The following TTLL11 variants were observed in gnomAD, a reference collection of about 807,000 sequenced individuals.
The protein encoded by TTLL11 is tubulin tyrosine ligase like 11, also known as tubulin polyglutamylase TTLL11.
TTLL11 carries 42 observed loss-of-function variants against 51.7 expected under a neutral mutation model. That is an observed-to-expected ratio of 0.81 (90% CI 0.64 to 1.05). The LOEUF is 1.05. TTLL11 is among the 50% of genes least tolerant of loss of function. TTLL11 has a pLI of 0.00. For missense variants in TTLL11, 799 were observed against 940.4 expected (o/e 0.85, Z 1.97); for synonymous variants, 381 against 383.5 (o/e 0.99, Z 0.08).
At chr9:122,009,536 ATATG>A (rs1307352415) in intron 3 of TTLL11, among the ~76,000 whole-genome samples, 8 of 151,832 alleles carry the variant, frequency 5.3e-5, no homozygotes, top group Non-Finnish European at 1.2e-4. Context: ...ATGTAGACAT[ATATG>A]TATGTACTCT....
chr9:122,008,584 A>G (rs1397630433), intron 3 of TTLL11, among the ~76,000 whole-genome samples: 3 of 152,240 alleles, frequency 2.0e-5, no homozygotes, highest in Non-Finnish European at 2.9e-5. Flanking sequence ...TGATGTGGAG[A>G]AAAGGGAACC....
At chr9:121,985,108 A>G (rs1039121183) in intron 4 of TTLL11, among the ~76,000 whole-genome samples, 1 of 152,198 alleles carries the variant, frequency 6.6e-6, no homozygotes, top group Non-Finnish European at 1.5e-5. Flanking sequence ...GAAAGGGGTC[A>G]CCGTCACATG....
intron 1 of TTLL11, among the ~76,000 whole-genome samples, chr9:122,079,548 A>C (rs928803056): frequency 6.6e-6 from 1 of 151,844 alleles, no homozygotes; most frequent in Non-Finnish European, 1.5e-5. Flanking sequence ...CGTCTACTAA[A>C]AATACAAAAA....
intron 6 of TTLL11, among the ~76,000 whole-genome samples, chr9:121,874,966 A>T (rs1838515526): frequency 6.6e-6 from 1 of 151,846 alleles, no homozygotes; most frequent in Admixed American, 6.6e-5. Context: ...ATGGGGTTTC[A>T]CCTTGTTAGC....
chr9:122,040,787 T>C (rs971895818), intron 1 of TTLL11, among the ~76,000 whole-genome samples: 1 of 152,254 alleles, frequency 6.6e-6, no homozygotes, highest in Non-Finnish European at 1.5e-5. Flanking sequence ...AGGCATATGT[T>C]GTACACTCTA....
intron 3 of TTLL11, among the ~76,000 whole-genome samples, chr9:122,022,594 A>T (rs934231218): frequency 6.6e-6 from 1 of 152,024 alleles, no homozygotes; most frequent in Non-Finnish European, 1.5e-5. Flanking sequence ...AAGTTGAGAG[A>T]ATTCATCACC....
chr9:121,842,032 G>A (rs79364932), intron 8 of TTLL11, among the ~76,000 whole-genome samples: 1 of 151,978 alleles, frequency 6.6e-6, no homozygotes, highest in African/African-American at 2.4e-5. Context: ...CACCTCTCAG[G>A]GGGCAAAGGA....
chr9:121,998,639 A>C (rs1448009441), intron 3 of TTLL11, among the ~76,000 whole-genome samples: 1 of 151,860 alleles, frequency 6.6e-6, no homozygotes, highest in Non-Finnish European at 1.5e-5. Flanking sequence ...TGCAACACTC[A>C]AACAAGGTGC....
chr9:121,926,942 G>A (rs992552672), intron 6 of TTLL11, among the ~76,000 whole-genome samples: 1 of 152,156 alleles, frequency 6.6e-6, no homozygotes, highest in South Asian at 2.1e-4. Flanking sequence ...GCAGACAGCC[G>A]ACTTCTCATG....
chr9:122,088,919 C>T lies in TTLL11; in HGVS notation c.462+3768G>A, dbSNP rs571034709. The stretch of plus-strand genomic sequence containing the variant: ...TACTCAGGAGGCTGAGGCAGGAGAA[C>T]TGCTTGAACCTCTGAGGCAGAGGTT... On this transcript the variant is annotated intron_variant, in intron 1 of 8. Coordinates refer to ENST00000321582, the MANE Select transcript of TTLL11 (RefSeq NM_001139442.2). Among the ~76,000 whole-genome samples the T allele has an allele frequency of 1.3e-3, 202 of 150,040 alleles. 1 individual carries two copies. Among genetic ancestry groups the T allele is most frequent in the African/African-American group, 4.7e-3 (192 of 40,610 alleles).
At chr9:121,931,380 A>G (rs1358152656) in intron 6 of TTLL11, among the ~76,000 whole-genome samples, 1 of 152,158 alleles carries the variant, frequency 6.6e-6, no homozygotes, top group Non-Finnish European at 1.5e-5. Context: ...TTCTTGTTGG[A>G]GCAGAAGTAA....
At chr9:121,852,534 T>C (rs574187061) in intron 8 of TTLL11, among the ~76,000 whole-genome samples, 14 of 152,102 alleles carry the variant, frequency 9.2e-5, no homozygotes, top group Non-Finnish European at 2.1e-4. Flanking sequence ...GAATTCAGCT[T>C]TCTCCCCTTT....
intron 1 of TTLL11, among the ~76,000 whole-genome samples, chr9:122,078,247 TCAA>T (rs1252462948): frequency 2.0e-5 from 3 of 152,096 alleles, no homozygotes; most frequent in Admixed American, 2.0e-4. Flanking sequence ...ATGGAGATGA[TCAA>T]TAAAGTCAAA....
intron 6 of TTLL11, among the ~76,000 whole-genome samples, chr9:121,929,780 C>T (rs778968236): frequency 1.3e-5 from 2 of 152,138 alleles, no homozygotes; most frequent in Non-Finnish European, 2.9e-5. Flanking sequence ...GGCCCTCTGC[C>T]CCTCTCCAGC....
intron 6 of TTLL11, among the ~76,000 whole-genome samples, chr9:121,953,599 C>G (rs1354870700): frequency 3.5e-5 from 5 of 141,532 alleles, no homozygotes; most frequent in Non-Finnish European, 6.0e-5. Context: ...CGCTAATGCA[C>G]TCCAGCCTGG....
intron 6 of TTLL11, among the ~76,000 whole-genome samples, chr9:121,930,870 T>C (rs1472391456): frequency 6.6e-6 from 1 of 152,258 alleles, no homozygotes; most frequent in East Asian, 1.9e-4. Flanking sequence ...GCCTACTTAT[T>C]AATGTTTTTA....
chr9:121,942,738 A>ATTTTTTTTTTTTT (rs34352222), intron 6 of TTLL11, among the ~76,000 whole-genome samples: 1 of 97,902 alleles, frequency 1.0e-5, no homozygotes, highest in Non-Finnish European at 2.1e-5. Context: ...AATCTGTCTT[A>ATTTTTTTTTTTTT]TTTTTTTTTT....
At position 121,890,758 on chromosome 9, in the gene TTLL11, A is replaced by G. The variant is rs975999219; in HGVS notation, c.1482-20010T>C. Among the ~76,000 whole-genome samples, 10 of 152,230 alleles carry G rather than the reference A, an allele frequency of 6.6e-5. No homozygotes were observed. Among genetic ancestry groups the G allele is most frequent in the Non-Finnish European group, 1.0e-4 (7 of 68,046 alleles). On this transcript the variant is annotated intron_variant, in intron 6 of 8. Transcript: ENST00000321582. This position sits in a 1 kb window ranked among gnomAD's most constrained non-coding sequence, Gnocchi z 4.3. ...CATCCTGGTGCAGAGTAAGTGCTCA[A>G]TAAACACTGGCTAGGTGCATGAATG...
At chr9:122,033,743 A>C (rs1234217565) in intron 2 of TTLL11, among the ~76,000 whole-genome samples, 1 of 152,204 alleles carries the variant, frequency 6.6e-6, no homozygotes, top group Non-Finnish European at 1.5e-5. Context: ...CAGCTTCAAG[A>C]CGTCAGTGCC....
Sources: allele counts gnomAD v4.1 joint callset (sites outside exome capture counted in the v4.1 genomes callset), GRCh38; gene constraint gnomAD v4.1.1; non-coding constraint Gnocchi (gnomAD v3.1); transcripts MANE v1.5; gene names NCBI Gene and HGNC (gene_info 2026-07-23, HGNC 2026-07-21).